The following KDM7A variants were observed in gnomAD, a reference collection of about 807,000 sequenced individuals.
KDM7A encodes the protein lysine-specific demethylase 7A.
In KDM7A, 28 loss-of-function variants were observed where a neutral mutation model predicts 114.8. That is an observed-to-expected ratio of 0.24 (90% CI 0.18 to 0.33). The LOEUF (loss-of-function observed/expected upper bound fraction) is 0.33, where lower values mean the gene tolerates loss of function less well. Among genes scored for constraint, KDM7A ranks in the 10% least tolerant of loss-of-function variants. The probability of loss-of-function intolerance (pLI) is 1.00; values close to 1 mark genes in which losing one functional copy is unlikely to be tolerated. For missense variants in KDM7A, 942 were observed against 1,142.5 expected (o/e 0.82, Z 2.53); for synonymous variants, 423 against 397.8 (o/e 1.06, Z -0.75).
At chr7:140,169,670 T>C (rs1191806766) in intron 1 of KDM7A, among the ~76,000 whole-genome samples, 1 of 152,024 alleles carries the variant, frequency 6.6e-6, no homozygotes, top group East Asian at 1.9e-4. Context: ...GGATTACAGG[T>C]GCACACCACT....
intron 1 of KDM7A, among the ~76,000 whole-genome samples, chr7:140,162,197 T>G (rs1037765360): frequency 6.6e-6 from 1 of 151,964 alleles, no homozygotes; most frequent in Non-Finnish European, 1.5e-5. Flanking sequence ...TCGCCGGGCA[T>G]AGTGGCACAT....
At chr7:140,131,586 T>C (rs1273293792) in intron 3 of KDM7A, among the ~76,000 whole-genome samples, 1 of 152,222 alleles carries the variant, frequency 6.6e-6, no homozygotes, top group East Asian at 1.9e-4. Flanking sequence ...TCTTCTTCAT[T>C]TGACTCATCT....
chr7:140,164,960 G>A (rs1255981392), intron 1 of KDM7A, among the ~76,000 whole-genome samples: 4 of 152,132 alleles, frequency 2.6e-5, no homozygotes, highest in Non-Finnish European at 4.4e-5. Flanking sequence ...GGCAACATTC[G>A]GTTGAATGAT....
intron 19 of KDM7A, among the ~76,000 whole-genome samples, 191 bp from the exon 20 acceptor site, chr7:140,091,379 C>T (rs1312944322): frequency 6.6e-6 from 1 of 152,222 alleles, no homozygotes; most frequent in African/African-American, 2.4e-5. Context: ...ACAAGACTCA[C>T]AAGGCTTCCC....
Position 140,163,132 on chromosome 7 carries a change from C to A in KDM7A, c.194+13612G>T, listed in dbSNP as rs934720963. On this transcript the variant is annotated intron_variant, in intron 1 of 19. Transcript: ENST00000397560. ...GCCCCAGCCTCCCAAGTAGCTGGGA[C>A]TACAGGTGCCCGCCATCATGCCCGA... Among the ~76,000 whole-genome samples the A allele has an allele frequency of 2.0e-5, 3 of 151,734 alleles. No homozygotes were observed. The East Asian group carries it at 5.8e-4, about 29-fold the overall frequency.
chr7:140,105,718 G>A (rs577444222), intron 11 of KDM7A, among the ~76,000 whole-genome samples: 26 of 152,258 alleles, frequency 1.7e-4, no homozygotes, highest in African/African-American at 5.3e-4. Context: ...TTCTTGCATC[G>A]ATGTTCATCA....
At chr7:140,116,178 G>A (rs1237764714) in intron 9 of KDM7A, among the ~76,000 whole-genome samples, 2 of 152,144 alleles carry the variant, frequency 1.3e-5, no homozygotes, top group East Asian at 1.9e-4. Context: ...AGGTGACAAA[G>A]ACAAGAACTT....
At chr7:140,114,479 G>T (rs1249047970) in intron 9 of KDM7A, among the ~76,000 whole-genome samples, 1 of 152,134 alleles carries the variant, frequency 6.6e-6, no homozygotes, top group Non-Finnish European at 1.5e-5. Flanking sequence ...GCTCAATGTT[G>T]CCCAGGCTGG....
rs999787456 is a variant in KDM7A, at chr7:140,085,166, T to G, written c.*5928A>C. 1 of 152,110 alleles carries G rather than the reference T, an allele frequency of 6.6e-6. No homozygotes were observed. The highest frequency in any genetic ancestry group is 2.4e-5 in the African/African-American group (1 of 41,334). 9.4% of individuals were successfully genotyped at this position (152,110 alleles called of 1,614,324 possible). On this transcript the variant is annotated 3_prime_UTR_variant, in exon 20 of 20. Coordinates refer to ENST00000397560, the MANE Select transcript of KDM7A (RefSeq NM_030647.2). ...GGCTTCCGGACTGAAAGGACACACA[T>G]GTCACACACATTGACTGCCTATACA...
chr7:140,127,378 ACAT>A, intron 5 of KDM7A, 61 bp downstream of exon 5: 2 of 1,344,944 alleles, frequency 1.5e-6, no homozygotes, highest in Non-Finnish European at 2.1e-6. Context: ...TAAAATAAAT[ACAT>A]CATTACACTA....
chr7:140,155,086 C>T (rs1794444003), intron 1 of KDM7A, among the ~76,000 whole-genome samples: 1 of 152,268 alleles, frequency 6.6e-6, no homozygotes, highest in Middle Eastern at 3.4e-3. Flanking sequence ...AAGTCAATAA[C>T]TGATCATACA....
chr7:140,176,830 C>T lies in KDM7A; in HGVS notation c.108G>A (p.Pro36=). Residue 36 remains proline, a synonymous_variant, in exon 1 of 20, where the codon CCG becomes CCA. Coordinates refer to ENST00000397560, the MANE Select transcript of KDM7A (RefSeq NM_030647.2). The surrounding 1 kb of genome is among the most constrained non-coding windows in gnomAD (Gnocchi z 4.4). ...GCTGCCGGCACACACAGTACACGGG[C>T]GGGGGCGGCGGAGGCGCCGAGGCCC... is the stretch of plus-strand genomic sequence containing the variant. ...PGRASAPPPP[P]PVYCVCRQPY... 1.5e-6 allele frequency: 2 copies of T among 1,336,998 alleles called. No individual in the cohort carries two copies. The highest frequency in any genetic ancestry group is 2.0e-6 in the Non-Finnish European group (2 of 1,023,382). The allele number at this position is 1,336,998 out of a possible 1,614,324, so 82.8% of individuals were successfully genotyped here. A position where few individuals can be genotyped will look rare whatever the true frequency, so the allele number is the denominator to read the frequency against.
rs148427306 is a variant in KDM7A at position 140,122,826 on chromosome 7, C to T, written c.1051+1795G>A. Among the ~76,000 whole-genome samples the T allele has an allele frequency of 1.3e-4, 20 of 152,338 alleles. 1 individual carries two copies. Among genetic ancestry groups the T allele is most frequent in the African/African-American group, 3.4e-4 (14 of 41,576 alleles). On this transcript the variant is annotated intron_variant, in intron 7 of 19. Transcript: ENST00000397560. ...GGACAGCAGCCCAGATTCTTACAGG[C>T]TTGGTTTTTAACAGCAATGGAGAGC...
Position 140,087,020 on chromosome 7 carries a change from T to G in KDM7A, c.*4074A>C, listed in dbSNP as rs1817939153. ...TCTTACTGCTGCAGAGAGCATCTTT[T>G]GAAAAAGGCAGAAAGAATCTTGTCT... On this transcript the variant is annotated 3_prime_UTR_variant, in exon 20 of 20. Transcript: ENST00000397560. 1 of 152,234 alleles carries G rather than the reference T, an allele frequency of 6.6e-6. No homozygotes were observed. Among genetic ancestry groups the G allele is most frequent in the African/African-American group, 2.4e-5 (1 of 41,464 alleles). 9.4% of individuals were successfully genotyped at this position (152,234 alleles called of 1,614,324 possible). A position where few individuals can be genotyped will look rare whatever the true frequency, so the allele number is the denominator to read the frequency against.
chr7:140,169,505 T>C (rs979243812), intron 1 of KDM7A, among the ~76,000 whole-genome samples: 1 of 152,074 alleles, frequency 6.6e-6, no homozygotes. Context: ...CAAGCAGAAA[T>C]ATACCCCAAA....
chr7:140,099,800 G>A (rs541080562), intron 13 of KDM7A, 99 bp downstream of exon 13: 25 of 1,106,052 alleles, frequency 2.3e-5, no homozygotes, highest in East Asian at 1.4e-4. Context: ...CCACAAAACC[G>A]GTCCCTGGTG....
At chr7:140,127,328 A>C (rs191391863) in intron 5 of KDM7A, 114 bp downstream of exon 5, 2 of 858,306 alleles carry the variant, frequency 2.3e-6, no homozygotes. Context: ...TAACATTGCT[A>C]CCACTGGACA....
chr7:140,123,393 G>A (rs751862547), intron 7 of KDM7A, among the ~76,000 whole-genome samples: 1 of 152,148 alleles, frequency 6.6e-6, no homozygotes, highest in African/African-American at 2.4e-5. Context: ...ACAAATGTTC[G>A]AAGCAGCACC....
In KDM7A at chr7:140,131,034, GTTTTTGT is replaced by G. The variant is rs542778520; in HGVS notation, c.399-1388_399-1382del. 3.9e-3 allele frequency among the ~76,000 whole-genome samples: 597 copies of G among 151,278 alleles called. 4 individuals carry two copies. The highest frequency in any genetic ancestry group is 0.014 in the African/African-American group (586 of 41,216). The stretch of plus-strand genomic sequence containing the variant: ...ACGCCTGGCTAATTTTTTTGTTTTT[GTTTTTGT>G]TTTTTTTAGTAGAGACAGGGTTTCA... On this transcript the variant is annotated intron_variant, in intron 3 of 19. Coordinates refer to ENST00000397560, the MANE Select transcript of KDM7A (RefSeq NM_030647.2).
Sources: gnomAD v4.1 joint callset for allele counts (sites outside exome capture counted in the v4.1 genomes callset) on GRCh38, gnomAD v4.1.1 for gene constraint, Gnocchi (gnomAD v3.1) non-coding constraint, MANE v1.5 for transcripts, NCBI Gene and HGNC (gene_info 2026-07-23, HGNC 2026-07-21) for gene names.